The following IDS variants were observed in gnomAD, a reference collection of about 807,000 sequenced individuals.
The protein encoded by IDS is alpha-L-iduronate sulfate sulfatase.
In IDS, 1 loss-of-function variant was observed where a neutral mutation model predicts 33.5. That is an observed-to-expected ratio of 0.03 (90% CI 0.01 to 0.14). The LOEUF is 0.14. Ranked by LOEUF, IDS falls within the 10% of genes least tolerant of loss-of-function variation. The probability of loss-of-function intolerance (pLI) is 1.00; values close to 1 mark genes in which losing one functional copy is unlikely to be tolerated. For synonymous variants in IDS, 191 were observed against 184.4 expected (o/e 1.04, Z -0.29); for missense variants, 328 against 448.0 (o/e 0.73, Z 2.42).
In IDS at chrX:149,479,983, G is replaced by A. The variant is rs782382712; in HGVS notation, c.*2763C>T. ...CAAAAACCTCAGCCTCCTTCGGGAGGGGGGGAGCTTGGTAGTGAAAAATGG... is the reference window on the plus strand; with the variant it reads ...CAAAAACCTCAGCCTCCTTCGGGAGAGGGGGAGCTTGGTAGTGAAAAATGG... On this transcript the variant is annotated 3_prime_UTR_variant, in exon 9 of 9. Coordinates refer to ENST00000340855, the MANE Select transcript of IDS (RefSeq NM_000202.8). 5.3e-5 allele frequency: 14 copies of A among 264,169 alleles called. No individual in the cohort carries two copies. Among genetic ancestry groups the A allele is most frequent in the Non-Finnish European group, 8.0e-5 (12 of 149,775 alleles). The allele number at this position is 264,169 out of a possible 1,213,427, so 21.8% of individuals were successfully genotyped here.
Position 149,502,234 on chromosome X carries a change from A to T in IDS, c.418+1078T>A, listed in dbSNP as rs146011514. The T allele has an allele frequency of 7.1e-3, 2,236 of 314,195 alleles. 10 individuals carry two copies. Among genetic ancestry groups the T allele is most frequent in the Non-Finnish European group, 0.012 (1,930 of 161,183 alleles). 25.9% of individuals were successfully genotyped at this position (314,195 alleles called of 1,213,427 possible). A position where few individuals can be genotyped will look rare whatever the true frequency, so the allele number is the denominator to read the frequency against. ...CATGGTGCTTAGAGCCTGGTGCCAA[A>T]ATCCAATCATCAGGAGGGAGGAGGT... On this transcript the variant is annotated intron_variant, in intron 3 of 8. Coordinates refer to ENST00000340855, the MANE Select transcript of IDS (RefSeq NM_000202.8).
rs1557340562 is a variant in IDS, at chrX:149,505,040, G to A, written c.98C>T (p.Thr33Ile). The change falls in exon 1 of 9, where the codon ACC (threonine) becomes ATC (isoleucine). Residue 33 changes from threonine to isoleucine, a missense_variant. Physicochemically the swap from Thr to Ile is moderately conservative, Grantham distance 89 (BLOSUM62 -1). Coordinates refer to ENST00000340855, the MANE Select transcript of IDS (RefSeq NM_000202.8). ...AGGGAGGGCGTGGGCGGCACCTGTG[G>A]TCGAGTTGGCCTGCGTTTCGGATCC... ...ALGSETQANSTTDALNVLLII... is the reference protein window; with the variant it reads ...ALGSETQANSITDALNVLLII... The A allele has an allele frequency of 8.3e-6, 10 of 1,205,503 alleles. No individual in the cohort carries two copies. The highest frequency in any genetic ancestry group is 1.0e-5 in the Non-Finnish European group (9 of 890,025).
chrX:149,504,855 AG>A (rs1476156671), intron 1 of IDS, among the ~76,000 whole-genome samples, 179 bp downstream of exon 1: 1 of 106,986 alleles, frequency 9.3e-6, no homozygotes, highest in Non-Finnish European at 1.9e-5. Context: ...GGAGGGATGA[AG>A]GGACGGTAGG....
chrX:149,487,380 A>G lies in IDS; in HGVS notation c.1007-282T>C, dbSNP rs1241113384. On this transcript the variant is annotated intron_variant, in intron 7 of 8. Transcript: ENST00000340855. ...TCTTAACAAACTACTAGCAACATATACCTAACGTAGGACTCTGTGGCGGTT... is the reference window on the plus strand; with the variant it reads ...TCTTAACAAACTACTAGCAACATATGCCTAACGTAGGACTCTGTGGCGGTT... The G allele has an allele frequency of 2.6e-5, 21 of 814,100 alleles. 1 individual carries two copies. The Admixed American group carries it at 4.8e-4, about 19-fold the overall frequency. 67.1% of individuals were successfully genotyped at this position (814,100 alleles called of 1,213,427 possible). A position where few individuals can be genotyped will look rare whatever the true frequency, so the allele number is the denominator to read the frequency against.
chrX:149,488,033 G>T, intron 7 of IDS, among the ~76,000 whole-genome samples: 1 of 81,409 alleles, frequency 1.2e-5, no homozygotes, highest in Admixed American at 1.4e-4. Context: ...GCTTTCCCAA[G>T]GAGACCCCAA....
rs1449752713 is a variant in IDS at position 149,481,880 on chromosome X, A to T, written c.*866T>A. 1.8e-5 allele frequency: 2 copies of T among 112,685 alleles called. No individual in the cohort carries two copies. The highest frequency in any genetic ancestry group is 3.8e-5 in the Non-Finnish European group (2 of 53,329). 9.3% of individuals were successfully genotyped at this position (112,685 alleles called of 1,213,427 possible). A position where few individuals can be genotyped will look rare whatever the true frequency, so the allele number is the denominator to read the frequency against. ...TAACCAACCATCCCTAAAGAAGGATACTAATATATTTTGAGTGATTCAATC... is the reference window on the plus strand; with the variant it reads ...TAACCAACCATCCCTAAAGAAGGATTCTAATATATTTTGAGTGATTCAATC... On this transcript the variant is annotated 3_prime_UTR_variant, in exon 9 of 9. Coordinates refer to ENST00000340855, the MANE Select transcript of IDS (RefSeq NM_000202.8).
chrX:149,484,510 T>C (rs782631274), intron 8 of IDS, among the ~76,000 whole-genome samples: 38 of 112,262 alleles, frequency 3.4e-4, no homozygotes, highest in South Asian at 7.4e-4. Context: ...TTAGTAGAGA[T>C]GGGGTTTCTC....
At chrX:149,491,241 C>G (rs2089388336) in intron 6 of IDS, among the ~76,000 whole-genome samples, 1 of 112,075 alleles carries the variant, frequency 8.9e-6, no homozygotes, top group African/African-American at 3.3e-5. Context: ...AAACTGTCAG[C>G]AGGCAGGAGA....
chrX:149,497,423 A>T (rs1246311773), intron 5 of IDS, among the ~76,000 whole-genome samples: 2 of 112,032 alleles, frequency 1.8e-5, no homozygotes, highest in Non-Finnish European at 3.8e-5. Context: ...GGGGGCTGAC[A>T]GCTCCTACTA....
chrX:149,505,225 C>T lies in IDS; in HGVS notation c.-88G>A, dbSNP rs1263923160. On this transcript the variant is annotated 5_prime_UTR_variant, in exon 1 of 9. Coordinates refer to ENST00000340855, the MANE Select transcript of IDS (RefSeq NM_000202.8). ...CAGCCGCCGCCGCAGCCACAGAGACCTCCTCGTCGGGAACCCATGAAGACT... is the reference window on the plus strand; with the variant it reads ...CAGCCGCCGCCGCAGCCACAGAGACTTCCTCGTCGGGAACCCATGAAGACT... The T allele has an allele frequency of 9.2e-6, 6 of 651,775 alleles. No homozygotes were observed. The highest frequency in any genetic ancestry group is 1.4e-5 in the Non-Finnish European group (6 of 435,942). The allele number at this position is 651,775 out of a possible 1,213,427, so 53.7% of individuals were successfully genotyped here.
rs1233392388 is a variant in IDS, at chrX:149,483,011, T to C, written c.1388A>G (p.Tyr463Cys). The C allele has an allele frequency of 8.3e-7, 1 of 1,208,690 alleles. No homozygotes were observed. Among genetic ancestry groups the C allele is most frequent in the African/African-American group, 1.8e-5 (1 of 57,139 alleles). The change falls in exon 9 of 9, where the codon TAT becomes TGT. Residue 463 changes from tyrosine to cysteine, a missense_variant. By Grantham distance (194) the Tyr-to-Cys change is radical. Transcript: ENST00000340855. ...GTCTGAAGGCCGGGGATACTGGCTA[T>C]AGGCAATCAGTTCACGGGGATTACC... The part of the protein sequence containing the change: ...LPGNPRELIA[Y>C]SQYPRPSDIP...
Position 149,483,103 on chromosome X carries a change from G to A in IDS, c.1296C>T (p.Cys432=), listed in dbSNP as rs1557337635. The A allele has an allele frequency of 8.3e-7, 1 of 1,209,304 alleles. No homozygotes were observed. The highest frequency in any genetic ancestry group is 3.0e-5 in the East Asian group (1 of 33,814). The part of the protein sequence containing the change: ...CPVPSFHVEL[C]REGKNLLKHF... ...GCTTCAGAAGGTTCTTGCCTTCTCT[G>A]CACAGCTCAACGTGAAATGAAGGAA... The change falls in exon 9 of 9, where the codon TGC becomes TGT. Residue 432 remains cysteine (C), a synonymous_variant. Transcript: ENST00000340855.
chrX:149,487,067 G>A lies in IDS; in HGVS notation c.1038C>T (p.Ala346=). 1 of 1,211,154 alleles carries A rather than the reference G, an allele frequency of 8.3e-7. No individual in the cohort carries two copies. Among genetic ancestry groups the A allele is most frequent in the African/African-American group, 1.7e-5 (1 of 57,636 alleles). The change falls in exon 8 of 9, where the codon GCC becomes GCT. Residue 346 remains alanine (A), a synonymous_variant. Transcript: ENST00000340855. Reference sequence around the variant, plus strand: ...TAGCAACATCAAAATTGCTGTATTTGGCCCATTCTCCATGTTCACCTAGAG... The same window carrying A: ...TAGCAACATCAAAATTGCTGTATTTAGCCCATTCTCCATGTTCACCTAGAG... ...GWALGEHGEW[A]KYSNFDVATH... is the part of the protein sequence containing the mutation.
chrX:149,486,866 C>G (rs1282110630), intron 8 of IDS, 59 bp downstream of exon 8: 1 of 1,124,637 alleles, frequency 8.9e-7, no homozygotes, highest in Non-Finnish European at 1.2e-6. Context: ...TAAAGTGGTT[C>G]ACATATAAAC....
intron 6 of IDS, among the ~76,000 whole-genome samples, 170 bp downstream of exon 6, chrX:149,496,176 T>C (rs910143575): frequency 2.4e-4 from 27 of 112,169 alleles, no homozygotes; most frequent in Admixed American, 9.4e-5. Flanking sequence ...ACTGCCTGTG[T>C]CCTAAATACC....
At chrX:149,491,426 C>T (rs2089390576) in intron 6 of IDS, 4 of 527,376 alleles carry the variant, frequency 7.6e-6, no homozygotes, top group Non-Finnish European at 7.7e-6. Flanking sequence ...TCTTCCACCC[C>T]AAAGAGGGGT....
rs1385725964 is a variant in IDS at position 149,479,561 on chromosome X, C to T, written c.*3185G>A. On this transcript the variant is annotated 3_prime_UTR_variant, in exon 9 of 9. Coordinates refer to ENST00000340855, the MANE Select transcript of IDS (RefSeq NM_000202.8). Reference sequence around the variant, plus strand: ...TTATTCACAAAATTGGTCATCACAGCATTATTTACAATACTGAAAATCTGG... The same window carrying T: ...TTATTCACAAAATTGGTCATCACAGTATTATTTACAATACTGAAAATCTGG... The T allele has an allele frequency of 8.9e-6, 1 of 111,834 alleles. No homozygotes were observed. Among genetic ancestry groups the T allele is most frequent in the African/African-American group, 3.3e-5 (1 of 30,690 alleles). The allele number at this position is 111,834 out of a possible 1,213,427, so 9.2% of individuals were successfully genotyped here.
chrX:149,486,716 A>G (rs1557338069), intron 8 of IDS, among the ~76,000 whole-genome samples: 1 of 111,356 alleles, frequency 9.0e-6, no homozygotes, highest in Non-Finnish European at 1.9e-5. Context: ...ATACTTGTCA[A>G]TTCTGGTTCT....
At chrX:149,499,907 C>T (rs1321661045) in intron 4 of IDS, among the ~76,000 whole-genome samples, 1 of 110,904 alleles carries the variant, frequency 9.0e-6, no homozygotes, top group African/African-American at 3.3e-5. Context: ...GGCCGTGAGA[C>T]CAAAGTTAGT....
Sources: gnomAD v4.1 joint callset for allele counts (sites outside exome capture counted in the v4.1 genomes callset) on GRCh38, gnomAD v4.1.1 for gene constraint, MANE v1.5 for transcripts, NCBI Gene and HGNC (gene_info 2026-07-23, HGNC 2026-07-21) for gene names.